Variants in STAB2 observed in about 807,000 individuals in gnomAD.
STAB2 encodes the protein stabilin-2.
Under a neutral mutation model 338.1 loss-of-function variants are expected in STAB2, and 288 were observed. That is an observed-to-expected ratio of 0.85 (90% CI 0.77 to 0.94). The LOEUF is 0.94. STAB2 is among the 40% of genes least tolerant of loss of function. The pLI is 0.00. For synonymous variants in STAB2, 1,202 were observed against 1,193.3 expected (o/e 1.01, Z -0.15); for missense variants, 3,141 against 3,210.1 (o/e 0.98, Z 0.52).
At position 103,668,651 on chromosome 12, in the gene STAB2, C is replaced by T; in HGVS notation, c.2094C>T (p.Phe698=). 1 of 1,551,908 alleles carries T rather than the reference C, an allele frequency of 6.4e-7. No homozygotes were observed. Among genetic ancestry groups the T allele is most frequent in the South Asian group, 1.2e-5 (1 of 84,094 alleles). Residue 698 remains phenylalanine, a synonymous_variant, in exon 20 of 69, where the codon TTC becomes TTT. Transcript: ENST00000388887. ...CPANSEPTAL[F]THRCVYSGRF... is the part of the protein sequence containing the mutation. ...TCCTTGGCTTTCTCCAGGCACTCTT[C>T]ACACACAGATGTGTCTACAGTGGCA...
At position 103,703,042 on chromosome 12, in the gene STAB2, T is replaced by C. The variant is rs777096902; in HGVS notation, c.3715-106T>C. 6 of 1,264,426 alleles carry C rather than the reference T, an allele frequency of 4.7e-6. No individual in the cohort carries two copies. In the African/African-American group the frequency reaches 6.0e-5, roughly 13 times the overall value. The allele number at this position is 1,264,426 out of a possible 1,614,324, so 78.3% of individuals were successfully genotyped here. A position where few individuals can be genotyped will look rare whatever the true frequency, so the allele number is the denominator to read the frequency against. On this transcript the variant is annotated intron_variant, in intron 34 of 68. Transcript: ENST00000388887. Reference sequence around the variant, plus strand: ...TGACTATTATATCTCCAGGTGAATATTGTAATATCTCCTAGGCAATTGTCC... The same window carrying C: ...TGACTATTATATCTCCAGGTGAATACTGTAATATCTCCTAGGCAATTGTCC...
At chr12:103,631,228 G>C (rs1352965558) in intron 5 of STAB2, among the ~76,000 whole-genome samples, 2 of 152,204 alleles carry the variant, frequency 1.3e-5, no homozygotes, top group Non-Finnish European at 2.9e-5. Flanking sequence ...CAGTGACTGA[G>C]TTAGTAGTAG....
chr12:103,746,837 GA>G (rs1357177433), intron 58 of STAB2, 133 bp downstream of exon 58: 1 of 790,826 alleles, frequency 1.3e-6, no homozygotes, highest in African/African-American at 1.7e-5. Flanking sequence ...CCCTCTCTAT[GA>G]CTCAGTTTCT....
chr12:103,634,044 A>G (rs1236721541), intron 6 of STAB2, among the ~76,000 whole-genome samples: 1 of 152,244 alleles, frequency 6.6e-6, no homozygotes, highest in East Asian at 1.9e-4. Flanking sequence ...TAGGAGGATA[A>G]CAAGCTGAAA....
intron 19 of STAB2, among the ~76,000 whole-genome samples, chr12:103,667,248 C>T (rs1480815648): frequency 6.6e-6 from 1 of 152,092 alleles, no homozygotes; most frequent in African/African-American, 2.4e-5. Flanking sequence ...AAGGCATTAC[C>T]CCTGAGTCCT....
chr12:103,599,920 T>C (rs778173630), intron 3 of STAB2, among the ~76,000 whole-genome samples: 1 of 152,250 alleles, frequency 6.6e-6, no homozygotes, highest in Admixed American at 6.5e-5. Context: ...TCTAAAGTGC[T>C]GACCTGTTAT....
Position 103,668,626 on chromosome 12 carries a change from T to C in STAB2, c.2086-17T>C. 6.4e-7 allele frequency: 1 copy of C among 1,550,944 alleles called. No homozygotes were observed. The highest frequency in any genetic ancestry group is 8.7e-7 in the Non-Finnish European group (1 of 1,146,788). On this transcript the variant is annotated splice_polypyrimidine_tract_variant and intron_variant, in intron 19 of 68. Transcript: ENST00000388887. ...AACATGCTGACTGCCATGCTTTCCC[T>C]CCTTGGCTTTCTCCAGGCACTCTTC... is the stretch of plus-strand genomic sequence containing the variant.
chr12:103,658,560 A>G (rs703633), intron 15 of STAB2, among the ~76,000 whole-genome samples: 82,951 of 151,806 alleles, frequency 0.55, 23,192 homozygotes, highest in Non-Finnish European at 0.61. Context: ...TTCCTATAGA[A>G]GCATCAGAAG....
chr12:103,673,466 G>A (rs1243473275), intron 22 of STAB2, among the ~76,000 whole-genome samples: 4 of 151,496 alleles, frequency 2.6e-5, no homozygotes, highest in Admixed American at 6.6e-5. Context: ...CCCACCTCTC[G>A]GCCTCTGCAG....
intron 60 of STAB2, among the ~76,000 whole-genome samples, 175 bp downstream of exon 60, chr12:103,750,895 A>G (rs1310699456): frequency 6.6e-6 from 1 of 152,264 alleles, no homozygotes; most frequent in Non-Finnish European, 1.5e-5. Flanking sequence ...GTTGGAGACC[A>G]GCCCGGCCAA....
chr12:103,706,416 G>A (rs1032682540), intron 37 of STAB2, among the ~76,000 whole-genome samples: 16 of 152,060 alleles, frequency 1.1e-4, no homozygotes, highest in Admixed American at 8.5e-4. Flanking sequence ...AAATAACATC[G>A]ATGTGAAGGG....
At chr12:103,748,011 A>G (rs2139158218) in intron 58 of STAB2, among the ~76,000 whole-genome samples, 1 of 151,902 alleles carries the variant, frequency 6.6e-6, no homozygotes, top group East Asian at 1.9e-4. Flanking sequence ...AAAAAAAAAA[A>G]AAAGGGAAGA....
intron 12 of STAB2, among the ~76,000 whole-genome samples, chr12:103,653,678 A>ATG (rs1873933267): frequency 1.1e-5 from 1 of 89,482 alleles, no homozygotes; most frequent in Admixed American, 1.3e-4. Context: ...ATGGATGGAT[A>ATG]GATACATGGA....
At chr12:103,733,545 A>G (rs35285727) in intron 51 of STAB2, among the ~76,000 whole-genome samples, 4,806 of 152,178 alleles carry the variant, frequency 0.032, 103 homozygotes, top group African/African-American at 0.053. Flanking sequence ...TTCTCATCCA[A>G]TTCCAAAATT....
At chr12:103,763,860 C>A in intron 68 of STAB2, 1 of 349,976 alleles carries the variant, frequency 2.9e-6, no homozygotes, top group Non-Finnish European at 5.1e-6. Context: ...GGTTGTTATC[C>A]AAGCCCAATC....
intron 22 of STAB2, among the ~76,000 whole-genome samples, chr12:103,673,204 G>T (rs961777875): frequency 1.3e-5 from 2 of 152,140 alleles, no homozygotes; most frequent in Admixed American, 1.3e-4. Context: ...ATATCTTCAT[G>T]AAAGGTGAGA....
intron 7 of STAB2, among the ~76,000 whole-genome samples, chr12:103,637,588 G>C (rs1957568759): frequency 6.6e-6 from 1 of 152,104 alleles, no homozygotes; most frequent in South Asian, 2.1e-4. Context: ...TTCAGTCCCA[G>C]ATCTGCCTTC....
chr12:103,764,359 G>A (rs576709399), intron 68 of STAB2, among the ~76,000 whole-genome samples: 1 of 152,250 alleles, frequency 6.6e-6, no homozygotes, highest in African/African-American at 2.4e-5. Context: ...TCTTTGATGA[G>A]GCCTTATAGT....
chr12:103,622,247 T>C (rs964886801), intron 5 of STAB2, 136 bp downstream of exon 5: 2 of 887,750 alleles, frequency 2.3e-6, no homozygotes, highest in Non-Finnish European at 3.4e-6. Context: ...TTTAAAGGAG[T>C]TTAATCGGGC....
Sources: gnomAD v4.1 joint callset for allele counts (sites outside exome capture counted in the v4.1 genomes callset) on GRCh38, gnomAD v4.1.1 for gene constraint, MANE v1.5 for transcripts, NCBI Gene and HGNC (gene_info 2026-07-23, HGNC 2026-07-21) for gene names.